GDAP1L1: variants seen among roughly 807,000 people sequenced by gnomAD.
GDAP1L1 encodes the protein ganglioside induced differentiation associated protein 1 like 1.
A neutral mutation model predicts 37.1 loss-of-function variants in GDAP1L1; 21 were observed. The observed-to-expected ratio is 0.57, with a 90% CI of 0.40 to 0.81. The LOEUF is 0.81. Among genes scored for constraint, GDAP1L1 ranks in the 40% least tolerant of loss-of-function variants. The probability of loss-of-function intolerance (pLI) is 0.00; values close to 1 mark genes in which losing one functional copy is unlikely to be tolerated. For missense variants in GDAP1L1, 362 were observed against 491.6 expected (o/e 0.74, Z 2.49); for synonymous variants, 193 against 209.1 (o/e 0.92, Z 0.67).
At chr20:44,247,789 C>T (rs1378954856) in intron 1 of GDAP1L1, among the ~76,000 whole-genome samples, 2 of 26,272 alleles carry the variant, frequency 7.6e-5, no homozygotes, top group East Asian at 1.2e-3. Flanking sequence ...GGGTGCGGGG[C>T]GGGTTGGGGG....
chr20:44,257,038 C>A (rs1000734264), intron 1 of GDAP1L1, 115 bp from the exon 2 acceptor site: 14 of 1,094,238 alleles, frequency 1.3e-5, no homozygotes, highest in African/African-American at 3.2e-5. Flanking sequence ...TGAAAGCAAT[C>A]GTGTCCCCTC....
At chr20:44,275,587 T>C (rs1292327752) in intron 5 of GDAP1L1, among the ~76,000 whole-genome samples, 1 of 152,104 alleles carries the variant, frequency 6.6e-6, no homozygotes, top group Non-Finnish European at 1.5e-5. Flanking sequence ...TGGCAGCTTG[T>C]TGGGGAAGAC....
In GDAP1L1 at chr20:44,280,021, T is replaced by A; in HGVS notation, c.*721T>A. On this transcript the variant is annotated 3_prime_UTR_variant, in exon 6 of 6. Transcript: ENST00000342560. Reference sequence around the variant, plus strand: ...CATCATCCTCTTCCTACCTTGAGTTTTTCTACCCTGTGAGGTGGGACTTTC... The same window carrying A: ...CATCATCCTCTTCCTACCTTGAGTTATTCTACCCTGTGAGGTGGGACTTTC... 1 of 339,104 alleles carries A rather than the reference T, an allele frequency of 2.9e-6. No individual in the cohort carries two copies. The allele number at this position is 339,104 out of a possible 1,614,324, so 21.0% of individuals were successfully genotyped here.
At chr20:44,258,281 C>G (rs2073602092) in intron 2 of GDAP1L1, 153 bp from the exon 3 acceptor site, 4 of 780,282 alleles carry the variant, frequency 5.1e-6, no homozygotes, top group Non-Finnish European at 9.0e-6. Flanking sequence ...CGGGCCACCA[C>G]TAGAATCCCC....
At chr20:44,260,725 G>C (rs897921015) in intron 3 of GDAP1L1, among the ~76,000 whole-genome samples, 9 of 152,106 alleles carry the variant, frequency 5.9e-5, no homozygotes, top group African/African-American at 2.2e-4. Context: ...AGTAGGACAG[G>C]GTGTATTGTT....
At position 44,275,241 on chromosome 20, in the gene GDAP1L1, G is replaced by C. The variant is rs552353708; in HGVS notation, c.761-3716G>C. Among the ~76,000 whole-genome samples the C allele has an allele frequency of 4.1e-4, 63 of 152,290 alleles. 1 individual carries two copies. The highest frequency in any genetic ancestry group is 8.5e-4 in the Admixed American group (13 of 15,300). ...CTATTCAAGGATAACCTTCTGATGA[G>C]AGCCTTCATTACACTTTACCCCTTT... On this transcript the variant is annotated intron_variant, in intron 5 of 5. Coordinates refer to ENST00000342560, the MANE Select transcript of GDAP1L1 (RefSeq NM_024034.6).
At chr20:44,260,535 G>A (rs986364925) in intron 3 of GDAP1L1, among the ~76,000 whole-genome samples, 3 of 151,988 alleles carry the variant, frequency 2.0e-5, no homozygotes, top group African/African-American at 4.8e-5. Flanking sequence ...AAATAAATTC[G>A]TTTAAAAACG....
In GDAP1L1 at chr20:44,264,963, C is replaced by A. The variant is rs572150004; in HGVS notation, c.760+404C>A. The A allele has an allele frequency of 6.1e-6, 6 of 985,170 alleles. No homozygotes were observed. The South Asian group carries it at 2.3e-4, about 39-fold the overall frequency. 61.0% of individuals were successfully genotyped at this position (985,170 alleles called of 1,614,324 possible). ...GTTAGGGCCAGAACTTGTTCCCTCT[C>A]GATGGGTCCAGTGTTGTTTCCAGCA... is the stretch of plus-strand genomic sequence containing the variant. On this transcript the variant is annotated intron_variant, in intron 5 of 5. Coordinates refer to ENST00000342560, the MANE Select transcript of GDAP1L1 (RefSeq NM_024034.6).
At chr20:44,266,197 A>ACT (rs1321261731) in intron 5 of GDAP1L1, among the ~76,000 whole-genome samples, 1 of 152,008 alleles carries the variant, frequency 6.6e-6, no homozygotes, top group African/African-American at 2.4e-5. Context: ...AATCCCAGCT[A>ACT]CTCGAGAGGC....
chr20:44,277,061 G>A (rs932483297), intron 5 of GDAP1L1, among the ~76,000 whole-genome samples: 2 of 151,970 alleles, frequency 1.3e-5, no homozygotes, highest in African/African-American at 2.4e-5. Context: ...TTTCGCTCTT[G>A]TTGCCCAGGG....
chr20:44,280,094 T>A lies in GDAP1L1; in HGVS notation c.*794T>A, dbSNP rs184321536. The A allele has an allele frequency of 3.3e-6, 1 of 303,898 alleles. No individual in the cohort carries two copies. Among genetic ancestry groups the A allele is most frequent in the East Asian group, 8.5e-5 (1 of 11,756 alleles). The allele number at this position is 303,898 out of a possible 1,614,324, so 18.8% of individuals were successfully genotyped here. On this transcript the variant is annotated 3_prime_UTR_variant, in exon 6 of 6. Transcript: ENST00000342560. Reference sequence around the variant, plus strand: ...TCTCAGAAGGTCAGTCCAGCCCAAGTGCAGGGGCGGATCTGGAGGTGGACA... The same window carrying A: ...TCTCAGAAGGTCAGTCCAGCCCAAGAGCAGGGGCGGATCTGGAGGTGGACA...
At chr20:44,277,580 G>C (rs1568660253) in intron 5 of GDAP1L1, among the ~76,000 whole-genome samples, 1 of 152,198 alleles carries the variant, frequency 6.6e-6, no homozygotes. Context: ...CCACAACAGT[G>C]CATCATCATT....
intron 1 of GDAP1L1, among the ~76,000 whole-genome samples, chr20:44,252,052 C>T (rs1478652126): frequency 1.3e-5 from 2 of 152,234 alleles, no homozygotes; most frequent in Non-Finnish European, 2.9e-5. Flanking sequence ...ATTGCAGGCA[C>T]TGCTAAACGC....
chr20:44,247,587 A>C (rs543683527), intron 1 of GDAP1L1, 73 bp downstream of exon 1: 1 of 1,356,846 alleles, frequency 7.4e-7, no homozygotes, highest in Non-Finnish European at 9.8e-7. Context: ...GGCTTGAGGG[A>C]TCTGAGGGCG....
At chr20:44,251,330 T>C (rs2073437656) in intron 1 of GDAP1L1, among the ~76,000 whole-genome samples, 1 of 152,172 alleles carries the variant, frequency 6.6e-6, no homozygotes, top group Non-Finnish European at 1.5e-5. Flanking sequence ...TGGTTCATGG[T>C]TCCCTTACTG....
intron 2 of GDAP1L1, among the ~76,000 whole-genome samples, chr20:44,257,751 C>A (rs2073588600): frequency 6.6e-6 from 1 of 152,226 alleles, no homozygotes; most frequent in Middle Eastern, 3.4e-3. Flanking sequence ...AGGGCAAGGA[C>A]AGGGCCCAGC....
At chr20:44,253,184 A>G (rs1413041002) in intron 1 of GDAP1L1, among the ~76,000 whole-genome samples, 1 of 152,164 alleles carries the variant, frequency 6.6e-6, no homozygotes, top group African/African-American at 2.4e-5. Flanking sequence ...TTGACAGACC[A>G]AATTGCTTAC....
At chr20:44,275,766 T>G (rs2062566276) in intron 5 of GDAP1L1, among the ~76,000 whole-genome samples, 1 of 152,170 alleles carries the variant, frequency 6.6e-6, no homozygotes. Flanking sequence ...AGACCAAAGA[T>G]GCTCCAGAAT....
At chr20:44,261,951 A>AT (rs1600544138) in intron 3 of GDAP1L1, among the ~76,000 whole-genome samples, 2 of 152,214 alleles carry the variant, frequency 1.3e-5, no homozygotes, top group African/African-American at 4.8e-5. Flanking sequence ...GGTCTGGCAC[A>AT]TTCAGGGAAC....
Sources: gnomAD v4.1 joint callset for allele counts (sites outside exome capture counted in the v4.1 genomes callset) on GRCh38, gnomAD v4.1.1 for gene constraint, MANE v1.5 for transcripts, NCBI Gene and HGNC (gene_info 2026-07-23, HGNC 2026-07-21) for gene names.